Variants in TRIM2 observed in about 807,000 individuals in gnomAD.
TRIM2 encodes tripartite motif-containing protein 2.
A neutral mutation model predicts 75.2 loss-of-function variants in TRIM2; 20 were observed. That is an observed-to-expected ratio of 0.27 (90% CI 0.19 to 0.39). TRIM2 has a LOEUF of 0.39. TRIM2 is among the 10% of genes least tolerant of loss of function. The pLI is 1.00. For missense variants in TRIM2, 660 were observed against 990.8 expected, an observed-to-expected ratio of 0.67 and a Z score of 4.48; for synonymous variants, 373 against 388.3, an observed-to-expected ratio of 0.96 and a Z score of 0.46.
chr4:153,204,211 T>C (rs532689894), upstream of TRIM2, among the ~76,000 whole-genome samples: 50 of 152,326 alleles, frequency 3.3e-4, no homozygotes, highest in South Asian at 1.5e-3. Flanking sequence ...ATTTAAACTT[T>C]TCAACTTGGA....
At chr4:153,195,470 C>G (rs184587902) in intron 1 of TRIM2, among the ~76,000 whole-genome samples, 42 of 152,022 alleles carry the variant, frequency 2.8e-4, no homozygotes, top group African/African-American at 9.4e-4. Context: ...GAGCTGAGAT[C>G]GCACCACTAC....
chr4:153,198,135 GAAATT>G (rs1733964993), intron 1 of TRIM2, among the ~76,000 whole-genome samples: 1 of 152,106 alleles, frequency 6.6e-6, no homozygotes, highest in Non-Finnish European at 1.5e-5. Flanking sequence ...TTTTAAAAAA[GAAATT>G]AAAGGATTCT....
intron 1 of TRIM2, among the ~76,000 whole-genome samples, chr4:153,187,656 G>A (rs568704406): frequency 2.6e-5 from 4 of 152,206 alleles, no homozygotes; most frequent in South Asian, 2.1e-4. Context: ...CCAGTGAGGA[G>A]CCTGTCACAG....
chr4:153,214,377 T>C (rs1737921654), intron 1 of TRIM2, among the ~76,000 whole-genome samples: 1 of 152,134 alleles, frequency 6.6e-6, no homozygotes, highest in Admixed American at 6.5e-5. Context: ...ATTAAGAGGG[T>C]CAAACTCTTT....
At chr4:153,250,113 T>A (rs1277552634) in intron 1 of TRIM2, among the ~76,000 whole-genome samples, 1 of 152,042 alleles carries the variant, frequency 6.6e-6, no homozygotes, top group Non-Finnish European at 1.5e-5. Flanking sequence ...CTTGTCTTTT[T>A]TTTTTTCTTT....
rs1226402262 is a variant in TRIM2 at position 153,173,104 on chromosome 4, T to C, written c.-49+19834T>C. ...GAGTCCAAAGTGACACCCTTCGGCC[T>C]GGGTTTAGGTGTCTCTAATCGCCCT... On this transcript the variant is annotated intron_variant, in intron 1 of 11. Coordinates refer to the TRIM2 transcript ENST00000437508. 2.0e-5 allele frequency among the ~76,000 whole-genome samples: 3 copies of C among 152,354 alleles called. No individual in the cohort carries two copies. The East Asian group carries it at 5.8e-4, about 29-fold the overall frequency.
chr4:153,257,461 T>C, intron 1 of TRIM2: 1 of 1,246,396 alleles, frequency 8.0e-7, no homozygotes, highest in Non-Finnish European at 1.0e-6. Context: ...GGTCTTCCAC[T>C]TGTTAATGAC....
intron 1 of TRIM2, among the ~76,000 whole-genome samples, chr4:153,244,403 TTCTTCTTCTTCTTCTTCTTCTTC>T (rs1560875097): frequency 1.1e-5 from 1 of 88,308 alleles, no homozygotes; most frequent in Non-Finnish European, 2.1e-5. Flanking sequence ...CTTCTTCTTC[TTCTTCTTCTTCTTCTTCTTCTTC>T]TTCTTCTTCT....
Position 153,295,433 on chromosome 4 carries a change from C to G in TRIM2, c.907C>G (p.Gln303Glu). ...GACCGAGGTCCTACTGGTGAAGAAG[C>G]AGATGAGCGAGAAGCTGAACGAGCT... is the stretch of plus-strand genomic sequence containing the variant. The part of the protein sequence containing the change: ...TETEVLLVKK[Q>E]MSEKLNELAD... Residue 303 changes from glutamine (Q) to glutamate (E), a missense_variant, in exon 6 of 12, where the codon CAG becomes GAG. Gln to Glu is a conservative substitution (Grantham distance 29). Around this residue, in one of 2 missense-constraint regions of TRIM2, gnomAD observed 620 missense variants for 891.0 expected, o/e 0.70. Transcript: ENST00000338700. This position sits in a 1 kb window ranked among gnomAD's most constrained non-coding sequence, Gnocchi z 7.2. The G allele has an allele frequency of 6.2e-7, 1 of 1,614,216 alleles. No individual in the cohort carries two copies. Among genetic ancestry groups the G allele is most frequent in the South Asian group, 1.1e-5 (1 of 91,076 alleles).
At chr4:153,200,724 A>AAAATATAT (rs1405991305), upstream of TRIM2, among the ~76,000 whole-genome samples, 19 of 138,140 alleles carry the variant, frequency 1.4e-4, no homozygotes, top group African/African-American at 4.5e-4. Flanking sequence ...AAGAAAAAAA[A>AAAATATAT]ATATATATAT....
At chr4:153,235,777 G>T (rs1744871197) in intron 1 of TRIM2, among the ~76,000 whole-genome samples, 2 of 152,226 alleles carry the variant, frequency 1.3e-5, no homozygotes, top group African/African-American at 4.8e-5. Context: ...TATTCCTTCT[G>T]ATCAGATTAC....
rs547541699 is a variant in TRIM2 at position 153,160,160 on chromosome 4, G to A, written c.-49+6890G>A. Among the ~76,000 whole-genome samples, 5 of 152,158 alleles carry A rather than the reference G, an allele frequency of 3.3e-5. No individual in the cohort carries two copies. The South Asian group carries it at 8.3e-4, about 25-fold the overall frequency. ...ACCATCTTTTTATGACCTTCTAAGC[G>A]AAATATTTCTCTGAAAATTTCCCCT... On this transcript the variant is annotated intron_variant, in intron 1 of 11. Transcript: ENST00000437508.
intron 3 of TRIM2, among the ~76,000 whole-genome samples, chr4:153,282,792 A>G (rs1472686641): frequency 1.4e-5 from 2 of 146,890 alleles, no homozygotes; most frequent in African/African-American, 2.5e-5. Context: ...TTTATTTTTA[A>G]TTTTTTTTTT....
rs1446525704 is a variant in TRIM2 at position 153,337,856 on chromosome 4, G to C, written c.*2890G>C. On this transcript the variant is annotated 3_prime_UTR_variant, in exon 12 of 12. Transcript: ENST00000338700. ...CACGTAAGGCAAAATATTGCCGGTT[G>C]GGATTTCAAGGTCAGTGACGACGCA... The C allele has an allele frequency of 1.0e-6, 1 of 985,656 alleles. No homozygotes were observed. The highest frequency in any genetic ancestry group is 6.2e-5 in the Admixed American group (1 of 16,254). The allele number at this position is 985,656 out of a possible 1,614,324, so 61.1% of individuals were successfully genotyped here.
At chr4:153,263,811 G>A (rs1216215645) in intron 1 of TRIM2, among the ~76,000 whole-genome samples, 1 of 152,162 alleles carries the variant, frequency 6.6e-6, no homozygotes, top group East Asian at 1.9e-4. Context: ...TGGCTTTATA[G>A]GCAGATGGCC....
chr4:153,172,833 AG>A (rs1216443432), intron 1 of TRIM2, among the ~76,000 whole-genome samples: 1 of 152,190 alleles, frequency 6.6e-6, no homozygotes, highest in African/African-American at 2.4e-5. Context: ...GCAGTGTTCC[AG>A]GCAGAAGGAA....
chr4:153,295,405 G>C lies in TRIM2; in HGVS notation c.879G>C (p.Thr293=). The change falls in exon 6 of 12, where the codon ACG becomes ACC. Residue 293 remains threonine, a synonymous_variant. Transcript: ENST00000338700. The surrounding 1 kb of genome is among the most constrained non-coding windows in gnomAD (Gnocchi z 7.2). ...NFTAQALNHG[T]ETEVLLVKKQ... ...CAGCGCAGGCCCTCAACCATGGCACGGAGACCGAGGTCCTACTGGTGAAGA... is the reference window on the plus strand; with the variant it reads ...CAGCGCAGGCCCTCAACCATGGCACCGAGACCGAGGTCCTACTGGTGAAGA... 6.2e-7 allele frequency: 1 copy of C among 1,614,124 alleles called. No homozygotes were observed. Among genetic ancestry groups the C allele is most frequent in the Non-Finnish European group, 8.5e-7 (1 of 1,179,990 alleles).
At chr4:153,296,061 A>C in intron 6 of TRIM2, 25 bp downstream of exon 6, 2 of 1,510,734 alleles carry the variant, frequency 1.3e-6, no homozygotes, top group Non-Finnish European at 1.8e-6. Flanking sequence ...TCTGTGCCCG[A>C]CGCCTGAGCT....
Position 153,335,776 on chromosome 4 carries a change from C to T in TRIM2, c.*810C>T, listed in dbSNP as rs1772379797. 6 of 985,728 alleles carry T rather than the reference C, an allele frequency of 6.1e-6. No individual in the cohort carries two copies. Among genetic ancestry groups the T allele is most frequent in the Non-Finnish European group, 6.0e-6 (5 of 829,942 alleles). The allele number at this position is 985,728 out of a possible 1,614,324, so 61.1% of individuals were successfully genotyped here. On this transcript the variant is annotated 3_prime_UTR_variant, in exon 12 of 12. Coordinates refer to ENST00000338700, the MANE Select transcript of TRIM2 (RefSeq NM_015271.5). ...CCAGATCATTGCACTGGAATGTAAT[C>T]AAGAAAGTTAGTCATGTTTTATGTA...
Sources: gnomAD v4.1 joint callset for allele counts (sites outside exome capture counted in the v4.1 genomes callset) on GRCh38, gnomAD v4.1.1 for gene constraint, gnomAD v4.1.1 regional missense constraint, Gnocchi (gnomAD v3.1) non-coding constraint, MANE v1.5 for transcripts, NCBI Gene and HGNC (gene_info 2026-07-23, HGNC 2026-07-21) for gene names.